CERS4: variants seen among roughly 807,000 people sequenced by gnomAD.
CERS4 encodes LAG1 homolog, ceramide synthase 4.
In CERS4, 65 loss-of-function variants were observed where a neutral mutation model predicts 51.8. That is an observed-to-expected ratio of 1.26 (90% CI 1.03 to 1.54). The LOEUF (loss-of-function observed/expected upper bound fraction) is 1.54, where lower values mean the gene tolerates loss of function less well. Among genes scored for constraint, CERS4 ranks in the 40% most tolerant of loss-of-function variants. The pLI is 0.00. For synonymous variants in CERS4, 228 were observed against 208.4 expected (o/e 1.09, Z -0.81); for missense variants, 563 against 500.4 (o/e 1.13, Z -1.19).
At chr19:8,225,760 C>G (rs1967761253) in intron 2 of CERS4, among the ~76,000 whole-genome samples, 1 of 151,914 alleles carries the variant, frequency 6.6e-6, no homozygotes, top group Admixed American at 6.6e-5. Flanking sequence ...TGCTGATGAG[C>G]TGAGTGTCTC....
chr19:8,254,689 T>C (rs1192801084), intron 4 of CERS4, 73 bp downstream of exon 4: 1 of 1,380,410 alleles, frequency 7.2e-7, no homozygotes. Flanking sequence ...GTGTGGCCCA[T>C]TTGTTGGGGC....
At chr19:8,214,938 C>CGAGGGGGAGGAGAGGGAG (rs1395917855) in intron 2 of CERS4, among the ~76,000 whole-genome samples, 1 of 96,610 alleles carries the variant, frequency 1.0e-5, no homozygotes, top group Non-Finnish European at 2.0e-5. Context: ...GGGAGGAAGA[C>CGAGGGGGAGGAGAGGGAG]GAGGGGGAGG....
At chr19:8,219,987 T>TAAAA (rs3042172) in intron 2 of CERS4, among the ~76,000 whole-genome samples, 4 of 148,902 alleles carry the variant, frequency 2.7e-5, no homozygotes, top group Non-Finnish European at 5.9e-5. Flanking sequence ...TGTTGTCTCT[T>TAAAA]AAAAAAAAAA....
At chr19:8,249,224 G>A (rs952963663) in intron 2 of CERS4, among the ~76,000 whole-genome samples, 3 of 151,680 alleles carry the variant, frequency 2.0e-5, no homozygotes, top group Non-Finnish European at 2.9e-5. Context: ...ATGGATGATG[G>A]GTGGGTGGAC....
At chr19:8,245,126 A>ACAAAAAAAAACAAAAAAAC (rs1555777241) in intron 2 of CERS4, among the ~76,000 whole-genome samples, 1 of 148,130 alleles carries the variant, frequency 6.8e-6, no homozygotes, top group African/African-American at 2.5e-5. Context: ...AAAAAAAAAA[A>ACAAAAAAAAACAAAAAAAC]AAAAAAAAAC....
intron 2 of CERS4, among the ~76,000 whole-genome samples, chr19:8,233,207 C>T (rs187680820): frequency 6.6e-5 from 10 of 152,044 alleles, no homozygotes; most frequent in Admixed American, 6.6e-4. Flanking sequence ...GCTCTGTCAC[C>T]CAGGCTGGAG....
chr19:8,248,303 C>CTGGA (rs1329026227), intron 2 of CERS4, among the ~76,000 whole-genome samples: 1 of 152,132 alleles, frequency 6.6e-6, no homozygotes, highest in Admixed American at 6.6e-5. Context: ...TATCTCTTGC[C>CTGGA]TGGATGGATG....
Position 8,245,424 on chromosome 19 carries a change from T to C in CERS4, c.-1-5652T>C, listed in dbSNP as rs118112526. The stretch of plus-strand genomic sequence containing the variant: ...TGCCACCTTGCCCGGCTAATTTTTG[T>C]ATTTTTTGTAGAGACAGTTTCGCTA... On this transcript the variant is annotated intron_variant, in intron 2 of 11. Transcript: ENST00000251363. Among the ~76,000 whole-genome samples, 137 of 152,014 alleles carry C rather than the reference T, an allele frequency of 9.0e-4. 3 individuals carry two copies. The East Asian group carries it at 0.025, about 28-fold the overall frequency.
Position 8,245,122 on chromosome 19 carries a change from A to ACAAAACAAACAAAAAC in CERS4, c.-1-5954_-1-5953insCAAAACAAACAAAAAC, listed in dbSNP as rs755450125. ...GCGAGACTCCATCTCAAAAAAAAAA[A>ACAAAACAAACAAAAAC]AAAAAAAAAAAAACACTCTTGGCTT... On this transcript the variant is annotated intron_variant, in intron 2 of 11. Transcript: ENST00000251363. Among the ~76,000 whole-genome samples the ACAAAACAAACAAAAAC allele has an allele frequency of 1.9e-4, 24 of 129,282 alleles. No individual in the cohort carries two copies. The East Asian group carries it at 2.0e-3, about 11-fold the overall frequency. The allele number at this position is 129,282 out of a possible 152,430, so 84.8% of individuals were successfully genotyped here.
chr19:8,249,638 C>A (rs1418896373), intron 2 of CERS4, among the ~76,000 whole-genome samples: 1 of 141,448 alleles, frequency 7.1e-6, no homozygotes, highest in Admixed American at 7.7e-5. Flanking sequence ...GTCACCCAGG[C>A]TGCAGTGCAG....
intron 2 of CERS4, chr19:8,250,721 C>A: frequency 1.4e-6 from 1 of 708,070 alleles, no homozygotes; most frequent in Non-Finnish European, 1.7e-6. Flanking sequence ...TTCTAAAGTG[C>A]TGGGATTACA....
At chr19:8,261,570 C>A in intron 10 of CERS4, 118 bp from the exon 11 acceptor site, 2 of 1,154,378 alleles carry the variant, frequency 1.7e-6, no homozygotes, top group Non-Finnish European at 2.5e-6. Context: ...GGGTGGGGGG[C>A]ACTAGGGAGC....
chr19:8,220,935 C>T (rs1967510201), intron 2 of CERS4, among the ~76,000 whole-genome samples: 1 of 151,890 alleles, frequency 6.6e-6, no homozygotes, highest in Admixed American at 6.6e-5. Flanking sequence ...CGTTCTCCTG[C>T]CTCAGCCTCC....
intron 3 of CERS4, among the ~76,000 whole-genome samples, chr19:8,252,530 C>T (rs1160035688): frequency 6.6e-6 from 1 of 151,988 alleles, no homozygotes; most frequent in East Asian, 1.9e-4. Flanking sequence ...CCTCTGCCTC[C>T]CAGGTTCAAG....
At chr19:8,249,383 C>A (rs1285520094) in intron 2 of CERS4, among the ~76,000 whole-genome samples, 1 of 152,096 alleles carries the variant, frequency 6.6e-6, no homozygotes, top group African/African-American at 2.4e-5. Flanking sequence ...AAGGGAGCAG[C>A]TCTTTGGGCT....
Position 8,254,619 on chromosome 19 carries a change from G to A in CERS4, c.291+3G>A. The A allele has an allele frequency of 1.9e-6, 3 of 1,603,830 alleles. No individual in the cohort carries two copies. The highest frequency in any genetic ancestry group is 2.6e-6 in the Non-Finnish European group (3 of 1,176,174). Reference sequence around the variant, plus strand: ...CGGAAGGGCACAGGCCCAAGGAGGTGAGAGCCCCCCATGCCCTCCGACCCG... The same window carrying A: ...CGGAAGGGCACAGGCCCAAGGAGGTAAGAGCCCCCCATGCCCTCCGACCCG... On this transcript the variant is annotated splice_donor_region_variant and intron_variant, in intron 4 of 11. Coordinates refer to ENST00000251363, the MANE Select transcript of CERS4 (RefSeq NM_024552.3).
At chr19:8,216,035 T>TC (rs1568495835) in intron 2 of CERS4, among the ~76,000 whole-genome samples, 1 of 152,050 alleles carries the variant, frequency 6.6e-6, no homozygotes, top group Admixed American at 6.6e-5. Flanking sequence ...CAGGGTTTCC[T>TC]CCCTCACCTC....
intron 3 of CERS4, 123 bp downstream of exon 3, chr19:8,251,372 T>C: frequency 7.0e-7 from 1 of 1,424,400 alleles, no homozygotes; most frequent in South Asian, 1.6e-5. Flanking sequence ...CCAAAGCGCG[T>C]TCCCTGGCTC....
At chr19:8,227,987 G>A (rs996455324) in intron 2 of CERS4, among the ~76,000 whole-genome samples, 4 of 151,892 alleles carry the variant, frequency 2.6e-5, no homozygotes, top group East Asian at 2.0e-4. Context: ...TCAGCCTCCC[G>A]AGTAGCTGGG....
Sources: gnomAD v4.1 joint callset for allele counts (sites outside exome capture counted in the v4.1 genomes callset) on GRCh38, gnomAD v4.1.1 for gene constraint, MANE v1.5 for transcripts, NCBI Gene and HGNC (gene_info 2026-07-23, HGNC 2026-07-21) for gene names.